GRID2: variants seen among roughly 807,000 people sequenced by gnomAD.
GRID2 encodes the protein glutamate ionotropic receptor delta type subunit 2.
GRID2 carries 33 observed loss-of-function variants against 114.8 expected under a neutral mutation model. That is an observed-to-expected ratio of 0.29 (90% CI 0.22 to 0.38). The LOEUF is 0.38. Ranked by LOEUF, GRID2 falls within the 10% of genes least tolerant of loss-of-function variation. GRID2 has a pLI of 1.00. For missense variants in GRID2, 1,184 were observed against 1,257.7 expected (o/e 0.94, Z 0.89); for synonymous variants, 505 against 449.9 (o/e 1.12, Z -1.55).
chr4:93,216,671 T>G, intron 5 of GRID2, 67 bp from the exon 6 acceptor site: 1 of 1,009,854 alleles, frequency 9.9e-7, no homozygotes, highest in East Asian at 2.4e-5. Context: ...AGATAACAAC[T>G]CATAATAGGT....
intron 7 of GRID2, among the ~76,000 whole-genome samples, chr4:93,236,942 T>C (rs1221044667): frequency 6.6e-6 from 1 of 152,058 alleles, no homozygotes; most frequent in Non-Finnish European, 1.5e-5. Context: ...ATGATGATAA[T>C]AGTATTTAAG....
intron 7 of GRID2, among the ~76,000 whole-genome samples, chr4:93,234,488 T>C (rs1269871043): frequency 6.6e-6 from 1 of 152,120 alleles, no homozygotes; most frequent in Non-Finnish European, 1.5e-5. Flanking sequence ...ACTTCCTGTT[T>C]ACTTCTCAGC....
intron 14 of GRID2, among the ~76,000 whole-genome samples, chr4:93,656,329 G>T (rs1249941455): frequency 6.6e-6 from 1 of 151,802 alleles, no homozygotes; most frequent in Admixed American, 6.6e-5. Flanking sequence ...ACAGTCTATG[G>T]GGGCATTGAG....
intron 2 of GRID2, among the ~76,000 whole-genome samples, chr4:93,045,211 A>G (rs967242836): frequency 1.3e-5 from 2 of 151,998 alleles, no homozygotes; most frequent in Non-Finnish European, 2.9e-5. Context: ...TCTACAGGCA[A>G]CCCCGCAGAT....
chr4:92,382,212 G>A (rs1729651962), intron 1 of GRID2, among the ~76,000 whole-genome samples: 1 of 151,312 alleles, frequency 6.6e-6, no homozygotes, highest in Non-Finnish European at 1.5e-5. Context: ...TCTTAAGGTG[G>A]TAGAAAATAC....
At chr4:92,315,302 A>G (rs1725909505) in intron 1 of GRID2, among the ~76,000 whole-genome samples, 1 of 152,188 alleles carries the variant, frequency 6.6e-6, no homozygotes, top group South Asian at 2.1e-4. Context: ...GCTCTGATAC[A>G]TCTGTTAATT....
At chr4:93,616,957 A>G (rs1578408679) in intron 13 of GRID2, among the ~76,000 whole-genome samples, 1 of 150,696 alleles carries the variant, frequency 6.6e-6, no homozygotes, top group Non-Finnish European at 1.5e-5. Context: ...ATGCCACTAC[A>G]CTCCAGCCTG....
At chr4:92,936,320 G>C (rs987320290) in intron 2 of GRID2, among the ~76,000 whole-genome samples, 1 of 145,860 alleles carries the variant, frequency 6.9e-6, no homozygotes, top group African/African-American at 2.4e-5. Flanking sequence ...TTTAAAAATA[G>C]AAAAAAATTA....
At chr4:93,362,998 T>C (rs1416595364) in intron 8 of GRID2, among the ~76,000 whole-genome samples, 1 of 152,188 alleles carries the variant, frequency 6.6e-6, no homozygotes, top group Non-Finnish European at 1.5e-5. Flanking sequence ...GGCAGGTTGA[T>C]TGTTTGAGGC....
chr4:92,493,745 T>C (rs979470741), intron 1 of GRID2, among the ~76,000 whole-genome samples: 2 of 152,220 alleles, frequency 1.3e-5, no homozygotes, highest in African/African-American at 4.8e-5. Flanking sequence ...CTTTTCTAGC[T>C]ATCTAATTTG....
chr4:92,427,442 A>G (rs1388624307), intron 1 of GRID2, among the ~76,000 whole-genome samples: 1 of 152,198 alleles, frequency 6.6e-6, no homozygotes, highest in African/African-American at 2.4e-5. Context: ...ATTATTGATA[A>G]AAAACTGTTT....
rs1722983656 is a variant in GRID2 at position 92,488,166 on chromosome 4, TACTC to T, written c.89-101963_89-101960del. 2.0e-5 allele frequency among the ~76,000 whole-genome samples: 3 copies of T among 152,310 alleles called. No homozygotes were observed. The South Asian group carries it at 6.2e-4, about 32-fold the overall frequency. The stretch of plus-strand genomic sequence containing the variant: ...AAAGGTATAATGTGACATAATCTAA[TACTC>T]AATTCCTGTCAAATGTTTGGTTAAA... On this transcript the variant is annotated intron_variant, in intron 1 of 15. Transcript: ENST00000282020.
chr4:93,392,153 T>G (rs1764917589), intron 8 of GRID2, among the ~76,000 whole-genome samples: 1 of 152,290 alleles, frequency 6.6e-6, no homozygotes, highest in South Asian at 2.1e-4. Context: ...GCCATCTTTA[T>G]TGTTTTTTAT....
intron 1 of GRID2, among the ~76,000 whole-genome samples, chr4:92,563,619 A>G (rs1368887919): frequency 6.6e-6 from 1 of 152,044 alleles, no homozygotes; most frequent in Non-Finnish European, 1.5e-5. Context: ...ACTGCCTAGT[A>G]TATTGTCTCA....
intron 4 of GRID2, among the ~76,000 whole-genome samples, chr4:93,122,508 G>T (rs1560902324): frequency 6.6e-6 from 1 of 152,072 alleles, no homozygotes; most frequent in Non-Finnish European, 1.5e-5. Context: ...TTATACTGGT[G>T]AATTAATTGA....
At chr4:92,378,469 A>T (rs902644687) in intron 1 of GRID2, among the ~76,000 whole-genome samples, 1 of 152,118 alleles carries the variant, frequency 6.6e-6, no homozygotes, top group Non-Finnish European at 1.5e-5. Flanking sequence ...AAATTTTCAT[A>T]ATTTAGGTTT....
intron 2 of GRID2, among the ~76,000 whole-genome samples, chr4:92,817,169 T>A (rs958014366): frequency 1.6e-4 from 25 of 152,272 alleles, no homozygotes; most frequent in Admixed American, 1.4e-3. Context: ...TTAGTATGTT[T>A]CCTTCCTCAT....
intron 8 of GRID2, among the ~76,000 whole-genome samples, chr4:93,326,512 A>C (rs932595143): frequency 6.6e-6 from 1 of 152,104 alleles, no homozygotes; most frequent in African/African-American, 2.4e-5. Context: ...ATTCTCCAAT[A>C]GAGAATAGAA....
intron 4 of GRID2, among the ~76,000 whole-genome samples, chr4:93,136,655 G>A (rs914196052): frequency 3.9e-5 from 6 of 152,078 alleles, no homozygotes; most frequent in Non-Finnish European, 8.8e-5. Flanking sequence ...CATTATATAT[G>A]TAGGAGAAAA....
Sources: allele counts gnomAD v4.1 joint callset (sites outside exome capture counted in the v4.1 genomes callset), GRCh38; gene constraint gnomAD v4.1.1; transcripts MANE v1.5; gene names NCBI Gene and HGNC (gene_info 2026-07-23, HGNC 2026-07-21).